The following FOXK2 variants were observed in gnomAD, a reference collection of about 807,000 sequenced individuals.
FOXK2 encodes forkhead box K2.
In FOXK2, 24 loss-of-function variants were observed where a neutral mutation model predicts 53.3. That is an observed-to-expected ratio of 0.45 (90% CI 0.33 to 0.63). The LOEUF is 0.63. Among genes scored for constraint, FOXK2 ranks in the 30% least tolerant of loss-of-function variants. FOXK2 has a pLI of 0.03. For missense variants in FOXK2, 952 were observed against 910.5 expected (o/e 1.05, Z -0.59); for synonymous variants, 505 against 407.1 (o/e 1.24, Z -2.89).
At chr17:82,597,710 G>T (rs2045330845) in intron 8 of FOXK2, among the ~76,000 whole-genome samples, 1 of 152,076 alleles carries the variant, frequency 6.6e-6, no homozygotes, top group African/African-American at 2.4e-5. Flanking sequence ...GAATGCAGTG[G>T]CATGACCTTG....
intron 1 of FOXK2, among the ~76,000 whole-genome samples, chr17:82,528,286 A>G (rs2044438236): frequency 1.3e-5 from 2 of 152,196 alleles, no homozygotes; most frequent in Non-Finnish European, 2.9e-5. Flanking sequence ...TTCCATTGTG[A>G]AAATGTAACT....
intron 3 of FOXK2, among the ~76,000 whole-genome samples, chr17:82,570,485 C>T (rs1299214520): frequency 3.3e-5 from 5 of 152,060 alleles, no homozygotes; most frequent in South Asian, 4.2e-4. Context: ...AGAGTGAGAC[C>T]GTGTCCCCAG....
intron 1 of FOXK2, among the ~76,000 whole-genome samples, chr17:82,547,334 G>A (rs186523550): frequency 1.3e-5 from 2 of 152,028 alleles, no homozygotes; most frequent in South Asian, 2.1e-4. Flanking sequence ...ATTGGAAAAA[G>A]TATTGTCTAC....
At chr17:82,545,963 A>G (rs2044620793) in intron 1 of FOXK2, among the ~76,000 whole-genome samples, 1 of 152,146 alleles carries the variant, frequency 6.6e-6, no homozygotes, top group Non-Finnish European at 1.5e-5. Context: ...GATCCAGTTC[A>G]GGGTGCCTCA....
At chr17:82,551,037 G>A (rs2044671758) in intron 1 of FOXK2, among the ~76,000 whole-genome samples, 1 of 152,176 alleles carries the variant, frequency 6.6e-6, no homozygotes, top group Admixed American at 6.5e-5. Context: ...GTGCTGAAAG[G>A]CCGGAAGTGG....
intron 1 of FOXK2, among the ~76,000 whole-genome samples, chr17:82,528,474 T>C (rs1054971149): frequency 3.3e-5 from 5 of 152,326 alleles, no homozygotes; most frequent in East Asian, 3.9e-4. Context: ...ATTTATAATA[T>C]CTTAAATAAT....
intron 7 of FOXK2, among the ~76,000 whole-genome samples, chr17:82,586,600 C>T (rs1166550694): frequency 6.6e-6 from 1 of 151,898 alleles, no homozygotes; most frequent in East Asian, 1.9e-4. Flanking sequence ...CTGGGAAGTC[C>T]ATAAGATTTG....
chr17:82,564,687 AAGAGT>A (rs1280579701), intron 2 of FOXK2, among the ~76,000 whole-genome samples: 7 of 151,880 alleles, frequency 4.6e-5, no homozygotes, highest in African/African-American at 1.4e-4. Context: ...TTTTTTAAAG[AAGAGT>A]AGAGAGCCCA....
Position 82,519,891 on chromosome 17 carries a change from G to GGCGGCGGCC in FOXK2, c.12_20dup (p.Ala5_Ala7dup), listed in dbSNP as rs2044340851. The stretch of plus-strand genomic sequence containing the variant: ...CCCGGGGGCCCTCACGCAGGCCCAT[G>GGCGGCGGCC]GCGGCGGCCGCGGCGGCGCTCTCGG... On this transcript the variant is annotated inframe_insertion, in exon 1 of 9. Transcript: ENST00000335255. 1.0e-6 allele frequency: 1 copy of GGCGGCGGCC among 978,086 alleles called. No homozygotes were observed. The highest frequency in any genetic ancestry group is 1.8e-5 in the African/African-American group (1 of 56,436). The allele number at this position is 978,086 out of a possible 1,614,324, so 60.6% of individuals were successfully genotyped here.
At chr17:82,561,643 C>T (rs796874817) in intron 1 of FOXK2, among the ~76,000 whole-genome samples, 13 of 151,848 alleles carry the variant, frequency 8.6e-5, no homozygotes, top group Middle Eastern at 6.8e-3. Flanking sequence ...AGGAGAAGGG[C>T]GAGGGGAGGC....
At chr17:82,588,118 C>T (rs1246649499) in intron 8 of FOXK2, 1 of 152,388 alleles carries the variant, frequency 6.6e-6, no homozygotes, top group East Asian at 1.9e-4. Flanking sequence ...ACCACCCTGC[C>T]TCTCCCCAAA....
chr17:82,556,511 T>G (rs2044726452), intron 1 of FOXK2, among the ~76,000 whole-genome samples: 1 of 148,586 alleles, frequency 6.7e-6, no homozygotes. Flanking sequence ...CTCATCAACG[T>G]GGAGAGGCTC....
chr17:82,526,624 A>T (rs1567963081), intron 1 of FOXK2, among the ~76,000 whole-genome samples: 1 of 151,958 alleles, frequency 6.6e-6, no homozygotes, highest in East Asian at 1.9e-4. Context: ...AGGTCAGGAG[A>T]TTGAGACCAT....
At position 82,603,366 on chromosome 17, in the gene FOXK2, T is replaced by TG. The variant is rs1448982271; in HGVS notation, c.*1871dup. The TG allele has an allele frequency of 6.6e-6, 1 of 152,234 alleles. No individual in the cohort carries two copies. Among genetic ancestry groups the TG allele is most frequent in the South Asian group, 2.1e-4 (1 of 4,832 alleles). The allele number at this position is 152,234 out of a possible 1,614,324, so 9.4% of individuals were successfully genotyped here. The stretch of plus-strand genomic sequence containing the variant: ...TCAGGATTCTGCTCTGTCCTGTGTG[T>TG]GGGGTCAGCTCCCTCCACAGAGGGC... On this transcript the variant is annotated 3_prime_UTR_variant, in exon 9 of 9. Coordinates refer to ENST00000335255, the MANE Select transcript of FOXK2 (RefSeq NM_004514.4).
At chr17:82,561,917 G>T (rs919297308) in intron 1 of FOXK2, among the ~76,000 whole-genome samples, 1 of 122,934 alleles carries the variant, frequency 8.1e-6, no homozygotes, top group African/African-American at 3.1e-5. Context: ...GGGGGGGGGG[G>T]TGCCCGCACT....
intron 8 of FOXK2, among the ~76,000 whole-genome samples, chr17:82,595,368 C>T (rs11078003): frequency 0.048 from 7,291 of 152,206 alleles, 309 homozygotes; most frequent in East Asian, 0.18. Context: ...GTGGCGTGAT[C>T]ACAGCTCAGT....
At position 82,521,701 on chromosome 17, in the gene FOXK2, G is replaced by T. The variant is rs563082909; in HGVS notation, c.419+1394G>T. Among the ~76,000 whole-genome samples, 452 of 150,082 alleles carry T rather than the reference G, an allele frequency of 3.0e-3. 2 individuals carry two copies. The highest frequency in any genetic ancestry group is 0.01 in the African/African-American group (426 of 41,064). On this transcript the variant is annotated intron_variant, in intron 1 of 8. Transcript: ENST00000335255. Reference sequence around the variant, plus strand: ...AATCCCAGCACTTTGGGAGGCCGAGGCGGGTGGATCACGAGGTCAGGAGGT... The same window carrying T: ...AATCCCAGCACTTTGGGAGGCCGAGTCGGGTGGATCACGAGGTCAGGAGGT...
At chr17:82,549,302 C>T (rs2044654408) in intron 1 of FOXK2, among the ~76,000 whole-genome samples, 1 of 152,180 alleles carries the variant, frequency 6.6e-6, no homozygotes, top group Non-Finnish European at 1.5e-5. Flanking sequence ...ACTTCCTTAT[C>T]ACAGTTACAG....
At chr17:82,583,657 CA>C (rs112942708) in intron 5 of FOXK2, among the ~76,000 whole-genome samples, 105,595 of 150,802 alleles carry the variant, frequency 0.7, 37,004 homozygotes, top group South Asian at 0.82. Context: ...CTGTTTTTAA[CA>C]AAAAAAAAAA....
Sources: allele counts gnomAD v4.1 joint callset (sites outside exome capture counted in the v4.1 genomes callset), GRCh38; gene constraint gnomAD v4.1.1; transcripts MANE v1.5; gene names NCBI Gene and HGNC (gene_info 2026-07-23, HGNC 2026-07-21).